Variants in KIF17 observed in about 807,000 individuals in gnomAD.
KIF17 encodes the protein kinesin-like protein KIF17.
In KIF17, 80 loss-of-function variants were observed where a neutral mutation model predicts 96.8. The observed-to-expected ratio is 0.83, with a 90% CI of 0.69 to 1.00. KIF17 has a LOEUF of 1.00. Ranked by LOEUF, KIF17 falls within the 50% of genes least tolerant of loss-of-function variation. The probability of loss-of-function intolerance (pLI) is 0.00; values close to 1 mark genes in which losing one functional copy is unlikely to be tolerated. For missense variants in KIF17, 1,280 were observed against 1,372.9 expected, an observed-to-expected ratio of 0.93 and a Z score of 1.07; for synonymous variants, 567 against 587.5, an observed-to-expected ratio of 0.97 and a Z score of 0.51.
chr1:20,702,249 C>T (rs752609818), intron 5 of KIF17, among the ~76,000 whole-genome samples: 1 of 152,188 alleles, frequency 6.6e-6, no homozygotes, highest in Non-Finnish European at 1.5e-5. Flanking sequence ...GTGATAACTG[C>T]TCAGTGCTCA....
chr1:20,712,894 ATAT>A (rs797012325), intron 3 of KIF17, among the ~76,000 whole-genome samples: 6 of 27,334 alleles, frequency 2.2e-4, no homozygotes, highest in East Asian at 6.1e-3. Context: ...AATATAGATA[ATAT>A]TATCTATATT....
rs112777280 is a variant in KIF17, at chr1:20,686,580, G to A, written c.1939-454C>T. 4.9e-3 allele frequency among the ~76,000 whole-genome samples: 742 copies of A among 152,248 alleles called. 9 individuals carry two copies. Among genetic ancestry groups the A allele is most frequent in the African/African-American group, 0.017 (706 of 41,548 alleles). Reference sequence around the variant, plus strand: ...TAGGACTTTTTTTTTCTTTGAGATGGAGTCTCGCTCTGTCGCCCAGGCTGG... The same window carrying A: ...TAGGACTTTTTTTTTCTTTGAGATGAAGTCTCGCTCTGTCGCCCAGGCTGG... On this transcript the variant is annotated intron_variant, in intron 8 of 14. Transcript: ENST00000400463.
In KIF17 at chr1:20,701,653, G is replaced by T. The variant is rs368055327; in HGVS notation, c.1123+2794C>A. ...GAACTGAGGAGAGGTGGGTGGGGAGGCAGGAAGGGAGCCAGGGCAGAGGGC... is the reference window on the plus strand; with the variant it reads ...GAACTGAGGAGAGGTGGGTGGGGAGTCAGGAAGGGAGCCAGGGCAGAGGGC... On this transcript the variant is annotated intron_variant, in intron 5 of 14. Coordinates refer to ENST00000400463, the MANE Select transcript of KIF17 (RefSeq NM_001122819.3). Among the ~76,000 whole-genome samples, 9 of 152,134 alleles carry T rather than the reference G, an allele frequency of 5.9e-5. No homozygotes were observed. In the East Asian group the frequency reaches 7.7e-4, roughly 13 times the overall value.
At position 20,680,010 on chromosome 1, in the gene KIF17, G is replaced by T. The variant is rs116355901; in HGVS notation, c.2463+2643C>A. 5.5e-3 allele frequency among the ~76,000 whole-genome samples: 828 copies of T among 150,750 alleles called. 6 individuals are homozygous for T. The highest frequency in any genetic ancestry group is 0.019 in the African/African-American group (760 of 40,938). On this transcript the variant is annotated intron_variant, in intron 11 of 14. Transcript: ENST00000400463. ...CGATTGATTGATTGATTTGAGACAG[G>T]GTCTCATGCTGCTATCCAGGCTGGA...
chr1:20,668,305 G>A (rs898990209), intron 13 of KIF17, among the ~76,000 whole-genome samples: 12 of 150,690 alleles, frequency 8.0e-5, no homozygotes, highest in South Asian at 2.1e-4. Context: ...GCAAGACTCC[G>A]TCTCAAAAAA....
chr1:20,712,936 A>ATATAATATAATATTATCT (rs1557607299), intron 3 of KIF17, among the ~76,000 whole-genome samples: 3 of 114,452 alleles, frequency 2.6e-5, no homozygotes, highest in African/African-American at 1.1e-4. Flanking sequence ...TATTATCTAT[A>ATATAATATAATATTATCT]ATATTATCTA....
chr1:20,677,722 G>A (rs545392187), intron 11 of KIF17, among the ~76,000 whole-genome samples: 10 of 152,308 alleles, frequency 6.6e-5, no homozygotes, highest in African/African-American at 2.4e-4. Flanking sequence ...GGGCATGGGT[G>A]GTGCACGCCT....
intron 11 of KIF17, among the ~76,000 whole-genome samples, chr1:20,680,964 A>C (rs970650684): frequency 6.6e-6 from 1 of 151,582 alleles, no homozygotes; most frequent in Non-Finnish European, 1.5e-5. Flanking sequence ...TCTACTAAAA[A>C]AATACAAAAA....
chr1:20,706,208 G>A (rs1295678539), intron 4 of KIF17, among the ~76,000 whole-genome samples: 1 of 151,586 alleles, frequency 6.6e-6, no homozygotes, highest in Non-Finnish European at 1.5e-5. Context: ...GCCCAGACTT[G>A]TTGATTTTTC....
At chr1:20,670,043 T>C (rs1177134425) in intron 13 of KIF17, among the ~76,000 whole-genome samples, 1 of 150,214 alleles carries the variant, frequency 6.7e-6, no homozygotes, top group Non-Finnish European at 1.5e-5. Context: ...TAAAGTGACT[T>C]AGGAATCCCA....
At chr1:20,690,958 A>G (rs972970443) in intron 6 of KIF17, among the ~76,000 whole-genome samples, 8 of 151,778 alleles carry the variant, frequency 5.3e-5, no homozygotes, top group African/African-American at 1.9e-4. Flanking sequence ...AAGTGCTGGG[A>G]TTACAGGCGT....
In KIF17 at chr1:20,664,635, G is replaced by C; in HGVS notation, c.3036C>G (p.Thr1012=). ...TTTTGCTTTTCTTACGCTTGGCCTT[G>C]GTGAAAGGGATGTCGAGGGACTCGA... The part of the protein sequence containing the change: ...FRLESLDIPF[T]KAKRKKSKSN... Residue 1012 remains threonine, a synonymous_variant, in exon 15 of 15, where the codon ACC becomes ACG. Coordinates refer to ENST00000400463, the MANE Select transcript of KIF17 (RefSeq NM_001122819.3). The C allele has an allele frequency of 6.2e-7, 1 of 1,610,438 alleles. No homozygotes were observed. Among genetic ancestry groups the C allele is most frequent in the Non-Finnish European group, 8.5e-7 (1 of 1,177,824 alleles).
In KIF17 at chr1:20,684,948, G is replaced by A. The variant is rs1265611333; in HGVS notation, c.2092C>T (p.Gln698Ter). The change falls in exon 10 of 15, where the codon CAG (glutamine) becomes TAG (stop). Residue 698 changes from glutamine (Q) to a stop codon, truncating the protein, a stop_gained. Transcript: ENST00000400463. LOFTEE classifies it high-confidence loss of function. ...TAEPGVWLEA[Q>*]APVALVAQPE... ...TGAGCCACCAGGGCCACCGGGGCCT[G>A]AGCCTCCAACCACACGCCAGGCTCT... The A allele has an allele frequency of 3.1e-6, 5 of 1,603,790 alleles. No homozygotes were observed. The highest frequency in any genetic ancestry group is 1.1e-5 in the South Asian group (1 of 89,302).
intron 3 of KIF17, among the ~76,000 whole-genome samples, chr1:20,710,948 C>T (rs2054424794): frequency 6.6e-6 from 1 of 151,946 alleles, no homozygotes; most frequent in Admixed American, 6.6e-5. Context: ...GCCAGAGCAT[C>T]CTGCAGGAGC....
At chr1:20,695,710 G>T (rs534393839) in intron 6 of KIF17, among the ~76,000 whole-genome samples, 1 of 152,010 alleles carries the variant, frequency 6.6e-6, no homozygotes, top group South Asian at 2.1e-4. Flanking sequence ...CTGAACCCAC[G>T]CCACCCAGCT....
intron 7 of KIF17, 151 bp downstream of exon 7, chr1:20,690,037 T>G: frequency 1.2e-6 from 1 of 803,508 alleles, no homozygotes; most frequent in Non-Finnish European, 2.0e-6. Context: ...ATAGCGAGCA[T>G]AATTGTGGTA....
In KIF17 at chr1:20,677,709, G is replaced by C. The variant is rs534983022; in HGVS notation, c.2463+4944C>G. Among the ~76,000 whole-genome samples, 25 of 152,244 alleles carry C rather than the reference G, an allele frequency of 1.6e-4. No homozygotes were observed. In the East Asian group the frequency reaches 2.5e-3, roughly 15 times the overall value. The stretch of plus-strand genomic sequence containing the variant: ...TCTCTACTAAAAAATACAAAAATTA[G>C]CCGGGCATGGGTGGTGCACGCCTGT... On this transcript the variant is annotated intron_variant, in intron 11 of 14. Transcript: ENST00000400463.
chr1:20,709,799 G>C lies in KIF17; in HGVS notation c.510C>G (p.Tyr170Ter). The change falls in exon 4 of 15, where the codon TAC (tyrosine) becomes TAG (stop). Residue 170 changes from tyrosine to a stop codon, truncating the protein, a stop_gained. Transcript: ENST00000400463. LOFTEE classifies it high-confidence loss of function. This position sits in a 1 kb window ranked among gnomAD's most constrained non-coding sequence, Gnocchi z 4.7. ...CCGTGTGCATGGACAGCCCCTTCAC[G>C]TACACGCCCTTCTCTGGGTGCTCCT... The part of the protein sequence containing the change: ...ELKEHPEKGV[Y>*]VKGLSMHTVH... The C allele has an allele frequency of 1.9e-6, 3 of 1,613,320 alleles. No individual in the cohort carries two copies. Among genetic ancestry groups the C allele is most frequent in the Non-Finnish European group, 2.5e-6 (3 of 1,179,724 alleles).
chr1:20,665,513 C>T (rs1403378847), intron 14 of KIF17, among the ~76,000 whole-genome samples: 1 of 150,994 alleles, frequency 6.6e-6, no homozygotes, highest in East Asian at 1.9e-4. Context: ...GATTCTCCTG[C>T]CTCAGCCCCC....
Sources: allele counts gnomAD v4.1 joint callset (sites outside exome capture counted in the v4.1 genomes callset), GRCh38; gene constraint gnomAD v4.1.1; non-coding constraint Gnocchi (gnomAD v3.1); transcripts MANE v1.5; gene names NCBI Gene and HGNC (gene_info 2026-07-23, HGNC 2026-07-21).